Variants in KIAA1328 observed in about 807,000 individuals in gnomAD.
The protein encoded by KIAA1328 is protein hinderin.
In KIAA1328, 52 loss-of-function variants were observed where a neutral mutation model predicts 68.1. The ratio of observed to expected loss-of-function variants is 0.76; its 90% CI spans 0.61 to 0.96. The LOEUF is 0.96. KIAA1328 is among the 40% of genes least tolerant of loss of function. The pLI, the probability that KIAA1328 is intolerant of heterozygous loss-of-function variation, is 0.00. For missense variants in KIAA1328, 641 were observed against 677.6 expected (o/e 0.95, Z 0.60); for synonymous variants, 232 against 239.4 (o/e 0.97, Z 0.28).
rs2060594631 is a variant in KIAA1328, at chr18:37,223,132, A to T, written c.*905A>T. On this transcript the variant is annotated 3_prime_UTR_variant, in exon 10 of 10. Coordinates refer to ENST00000280020, the MANE Select transcript of KIAA1328 (RefSeq NM_020776.3). ...GGAAAATGCCACTAGAGAGAGAGTG[A>T]TGCAAGCTGCTGCAAAGCTGATGGG... 1 of 974,926 alleles carries T rather than the reference A, an allele frequency of 1.0e-6. No homozygotes were observed. Among genetic ancestry groups the T allele is most frequent in the Non-Finnish European group, 1.2e-6 (1 of 828,760 alleles). 60.4% of individuals were successfully genotyped at this position (974,926 alleles called of 1,614,324 possible).
At chr18:36,844,158 C>A (rs775366555) in intron 3 of KIAA1328, 50 bp from the exon 4 acceptor site, 82 of 1,281,518 alleles carry the variant, frequency 6.4e-5, no homozygotes, top group South Asian at 2.1e-4. Context: ...CTTGAAAAGA[C>A]TTTAAAAATT....
chr18:36,998,256 G>T (rs746406701), intron 6 of KIAA1328, among the ~76,000 whole-genome samples: 6 of 152,160 alleles, frequency 3.9e-5, no homozygotes, highest in Non-Finnish European at 5.9e-5. Flanking sequence ...TAAACTTCCA[G>T]CGGTTACCAC....
intron 5 of KIAA1328, among the ~76,000 whole-genome samples, chr18:36,892,734 A>G (rs1336332778): frequency 6.6e-6 from 1 of 152,218 alleles, no homozygotes; most frequent in Non-Finnish European, 1.5e-5. Flanking sequence ...ATGACATTTT[A>G]TATCAGACTA....
intron 5 of KIAA1328, among the ~76,000 whole-genome samples, chr18:36,909,505 G>T (rs553442024): frequency 6.6e-6 from 1 of 152,272 alleles, no homozygotes; most frequent in East Asian, 1.9e-4. Flanking sequence ...GGGTGTGTAT[G>T]TGCTGCATTT....
intron 6 of KIAA1328, among the ~76,000 whole-genome samples, chr18:37,046,786 T>C (rs2055487528): frequency 6.6e-6 from 1 of 152,170 alleles, no homozygotes; most frequent in Admixed American, 6.5e-5. Flanking sequence ...TTTTATAGAG[T>C]ACTTAATCTA....
intron 5 of KIAA1328, among the ~76,000 whole-genome samples, chr18:36,918,895 G>A (rs2151099446): frequency 6.6e-6 from 1 of 152,044 alleles, no homozygotes; most frequent in Middle Eastern, 3.4e-3. Context: ...ATTTTTTACT[G>A]TTATTAACAT....
intron 9 of KIAA1328, among the ~76,000 whole-genome samples, chr18:37,174,635 C>A (rs1283926632): frequency 6.6e-6 from 1 of 150,520 alleles, no homozygotes; most frequent in Non-Finnish European, 1.5e-5. Context: ...GCTCTGTCAC[C>A]CAGGCTGAAG....
intron 7 of KIAA1328, among the ~76,000 whole-genome samples, chr18:37,110,244 A>G (rs1044854101): frequency 5.3e-5 from 8 of 152,216 alleles, no homozygotes. Context: ...TGAAAAAAAA[A>G]TCTGTAAATG....
rs2154226662 is a variant in KIAA1328, at chr18:37,223,460, T to C, written c.*1233T>C. The C allele has an allele frequency of 3.0e-6, 3 of 985,418 alleles. No homozygotes were observed. The South Asian group carries it at 1.4e-4, about 46-fold the overall frequency. 61.0% of individuals were successfully genotyped at this position (985,418 alleles called of 1,614,324 possible). A position where few individuals can be genotyped will look rare whatever the true frequency, so the allele number is the denominator to read the frequency against. On this transcript the variant is annotated 3_prime_UTR_variant, in exon 10 of 10. Transcript: ENST00000280020. ...CTCAAGCTAATGGGGATGATGATCC[T>C]GGTTTAGCCAGAGTTCAAAACTCTC...
chr18:37,178,710 G>A (rs528348169), intron 9 of KIAA1328, among the ~76,000 whole-genome samples: 2 of 152,254 alleles, frequency 1.3e-5, no homozygotes, highest in African/African-American at 4.8e-5. Context: ...AATAGTATAT[G>A]AGAGTTTTCT....
At chr18:37,067,588 T>C in intron 7 of KIAA1328, 43 bp downstream of exon 7, 1 of 1,440,370 alleles carries the variant, frequency 6.9e-7, no homozygotes, top group African/African-American at 1.5e-5. Context: ...TGAGACGAAA[T>C]CTCGCCCTGT....
intron 7 of KIAA1328, among the ~76,000 whole-genome samples, chr18:37,101,714 G>T (rs1395359734): frequency 6.6e-6 from 1 of 152,188 alleles, no homozygotes; most frequent in Non-Finnish European, 1.5e-5. Context: ...ACACATAATT[G>T]TCAGATTCAC....
At chr18:37,216,421 A>G (rs1373515875) in intron 9 of KIAA1328, among the ~76,000 whole-genome samples, 4 of 151,994 alleles carry the variant, frequency 2.6e-5, no homozygotes, top group African/African-American at 7.2e-5. Context: ...GTCATTCAGG[A>G]GCAGGTTGTT....
chr18:37,222,417 A>G lies in KIAA1328; in HGVS notation c.*190A>G. On this transcript the variant is annotated 3_prime_UTR_variant, in exon 10 of 10. Transcript: ENST00000280020. Reference sequence around the variant, plus strand: ...TATTTTCAATCAGACCAGGCATTCGATAACACACTAAGGGGGTAGGAATGG... The same window carrying G: ...TATTTTCAATCAGACCAGGCATTCGGTAACACACTAAGGGGGTAGGAATGG... The G allele has an allele frequency of 7.0e-7, 1 of 1,427,224 alleles. No homozygotes were observed. The highest frequency in any genetic ancestry group is 9.1e-7 in the Non-Finnish European group (1 of 1,096,728). The allele number at this position is 1,427,224 out of a possible 1,614,324, so 88.4% of individuals were successfully genotyped here. A position where few individuals can be genotyped will look rare whatever the true frequency, so the allele number is the denominator to read the frequency against.
intron 5 of KIAA1328, among the ~76,000 whole-genome samples, chr18:36,934,176 C>A (rs2050415656): frequency 6.6e-6 from 1 of 152,154 alleles, no homozygotes; most frequent in Non-Finnish European, 1.5e-5. Flanking sequence ...GAACTAGCAT[C>A]TGACAACCCT....
chr18:37,022,777 GT>G (rs2054397567), intron 6 of KIAA1328, among the ~76,000 whole-genome samples: 1 of 152,224 alleles, frequency 6.6e-6, no homozygotes, highest in African/African-American at 2.4e-5. Flanking sequence ...TTCTACTGCG[GT>G]TTTGCTCTCA....
intron 6 of KIAA1328, among the ~76,000 whole-genome samples, chr18:37,037,662 T>A (rs1393871794): frequency 6.6e-6 from 1 of 152,068 alleles, no homozygotes; most frequent in Non-Finnish European, 1.5e-5. Flanking sequence ...GGCAGGTGGA[T>A]CACCTGAGGT....
intron 7 of KIAA1328, among the ~76,000 whole-genome samples, chr18:37,135,654 A>G (rs2058626989): frequency 6.6e-6 from 1 of 152,122 alleles, no homozygotes; most frequent in Non-Finnish European, 1.5e-5. Context: ...TACTCTGTTG[A>G]TAGTTTCCTT....
In KIAA1328 at chr18:37,183,347, C is replaced by G. The variant is rs532170985; in HGVS notation, c.1523+10266C>G. 5.9e-5 allele frequency among the ~76,000 whole-genome samples: 9 copies of G among 152,242 alleles called. No individual in the cohort carries two copies. The East Asian group carries it at 1.5e-3, about 26-fold the overall frequency. On this transcript the variant is annotated intron_variant, in intron 9 of 9. Transcript: ENST00000280020. ...ATCACTTAGGAATCTTTAAAAAATA[C>G]TTATTTCTAGGCTTCATCCTAGATT... is the stretch of plus-strand genomic sequence containing the variant.
Sources: allele counts gnomAD v4.1 joint callset (sites outside exome capture counted in the v4.1 genomes callset), GRCh38; gene constraint gnomAD v4.1.1; transcripts MANE v1.5; gene names NCBI Gene and HGNC (gene_info 2026-07-23, HGNC 2026-07-21).